Variants in HPSE2 observed in about 807,000 individuals in gnomAD.
The protein encoded by HPSE2 is heparanase 2 (inactive), also known as inactive heparanase-2.
HPSE2 carries 38 observed loss-of-function variants against 60.5 expected under a neutral mutation model. The ratio of observed to expected loss-of-function variants is 0.63; its 90% CI spans 0.48 to 0.82. The LOEUF (loss-of-function observed/expected upper bound fraction) is 0.82. HPSE2 is among the 40% of genes least tolerant of loss of function. The probability of loss-of-function intolerance (pLI) is 0.00; values close to 1 mark genes in which losing one functional copy is unlikely to be tolerated. For synonymous variants in HPSE2, 295 were observed against 293.2 expected (o/e 1.01, Z -0.06); for missense variants, 713 against 740.4 (o/e 0.96, Z 0.43).
intron 3 of HPSE2, among the ~76,000 whole-genome samples, chr10:99,120,624 C>T (rs1844913090): frequency 6.6e-6 from 1 of 152,130 alleles, no homozygotes; most frequent in Admixed American, 6.5e-5. Flanking sequence ...CAGGCATGTG[C>T]CACCACGCCC....
At chr10:99,067,426 G>A (rs1464242240) in intron 3 of HPSE2, among the ~76,000 whole-genome samples, 1 of 152,196 alleles carries the variant, frequency 6.6e-6, no homozygotes, top group Non-Finnish European at 1.5e-5. Context: ...CACCCCTGAA[G>A]CAAAATTCTG....
chr10:98,873,064 G>A (rs1346741819), intron 3 of HPSE2, among the ~76,000 whole-genome samples: 1 of 151,878 alleles, frequency 6.6e-6, no homozygotes, highest in Non-Finnish European at 1.5e-5. Flanking sequence ...CGGTTACAAG[G>A]GCCCCTATTT....
chr10:98,773,253 G>T (rs1463726690), intron 3 of HPSE2, among the ~76,000 whole-genome samples: 1 of 152,146 alleles, frequency 6.6e-6, no homozygotes, highest in African/African-American at 2.4e-5. Context: ...AATGAGACTA[G>T]CTCTAGGATC....
chr10:99,110,293 C>T (rs1027923155), intron 3 of HPSE2, among the ~76,000 whole-genome samples: 3 of 152,196 alleles, frequency 2.0e-5, no homozygotes, highest in African/African-American at 7.2e-5. Context: ...GCCGTAAATC[C>T]TCTCTTAAGA....
intron 5 of HPSE2, among the ~76,000 whole-genome samples, chr10:98,718,345 C>A (rs1275907809): frequency 6.6e-6 from 1 of 152,134 alleles, no homozygotes; most frequent in Non-Finnish European, 1.5e-5. Flanking sequence ...CTATCTCTGT[C>A]TTCATAGAGT....
At chr10:98,701,506 G>T (rs1289453663) in intron 5 of HPSE2, among the ~76,000 whole-genome samples, 1 of 105,154 alleles carries the variant, frequency 9.5e-6, no homozygotes, top group East Asian at 3.5e-4. Flanking sequence ...GGGGGGAGGG[G>T]GGAGGGATAG....
chr10:98,942,417 A>G (rs374666378), intron 3 of HPSE2, among the ~76,000 whole-genome samples: 10 of 149,638 alleles, frequency 6.7e-5, no homozygotes, highest in South Asian at 4.2e-4. Flanking sequence ...AAAAGTGGGC[A>G]AAGGACATGA....
chr10:99,185,608 A>G (rs1415598129), intron 2 of HPSE2, among the ~76,000 whole-genome samples: 1 of 151,892 alleles, frequency 6.6e-6, no homozygotes, highest in Non-Finnish European at 1.5e-5. Flanking sequence ...CCCCATCTCT[A>G]CTAAAAATAC....
intron 3 of HPSE2, among the ~76,000 whole-genome samples, chr10:98,752,917 C>T (rs761167765): frequency 9.9e-5 from 15 of 151,984 alleles, no homozygotes; most frequent in African/African-American, 1.9e-4. Flanking sequence ...GAGGACAGTA[C>T]GTGAAGTGAA....
intron 3 of HPSE2, among the ~76,000 whole-genome samples, chr10:98,859,439 G>A (rs1952399635): frequency 6.6e-6 from 1 of 152,180 alleles, no homozygotes; most frequent in South Asian, 2.1e-4. Flanking sequence ...AATTAGAAAA[G>A]TGAGTGCAGA....
At chr10:98,573,862 A>G (rs1412690869) in intron 9 of HPSE2, among the ~76,000 whole-genome samples, 3 of 152,184 alleles carry the variant, frequency 2.0e-5, no homozygotes, top group Non-Finnish European at 4.4e-5. Flanking sequence ...ATACTACTGT[A>G]TTTCTTTTTC....
intron 3 of HPSE2, among the ~76,000 whole-genome samples, chr10:98,795,015 AGAGAGAAG>A (rs1356215946): frequency 1.7e-4 from 8 of 46,028 alleles, no homozygotes; most frequent in African/African-American, 6.7e-4. Flanking sequence ...AAGGAGAGAG[AGAGAGAAG>A]GAAGGAAGGA....
Position 98,721,647 on chromosome 10 carries a change from T to C in HPSE2, c.956+10A>G. The C allele has an allele frequency of 1.2e-6, 2 of 1,612,294 alleles. No homozygotes were observed. The highest frequency in any genetic ancestry group is 2.2e-5 in the East Asian group (1 of 44,864). Reference sequence around the variant, plus strand: ...CAATGTCATAAGAAAAGCTAAATAATCTGACCTACCCATCTAGGAGGGCGA... The same window carrying C: ...CAATGTCATAAGAAAAGCTAAATAACCTGACCTACCCATCTAGGAGGGCGA... On this transcript the variant is annotated intron_variant, in intron 5 of 11. Coordinates refer to ENST00000370552, the MANE Select transcript of HPSE2 (RefSeq NM_021828.5).
intron 3 of HPSE2, among the ~76,000 whole-genome samples, chr10:98,995,139 G>T (rs970005119): frequency 1.3e-5 from 2 of 152,098 alleles, no homozygotes; most frequent in African/African-American, 4.8e-5. Flanking sequence ...TCTCTTCTCT[G>T]GTGAATCCTA....
intron 9 of HPSE2, among the ~76,000 whole-genome samples, chr10:98,594,189 G>T (rs1166059996): frequency 2.0e-5 from 3 of 151,942 alleles, no homozygotes; most frequent in African/African-American, 7.3e-5. Context: ...TGATTTTCAA[G>T]AATACATTTT....
chr10:99,257,666 C>A, the HPSE2 span, among the ~76,000 whole-genome samples: 2 of 152,246 alleles, frequency 1.3e-5, no homozygotes, highest in Non-Finnish European at 2.9e-5. Flanking sequence ...GTCCTGTGGT[C>A]CTGTGATCTT....
chr10:99,104,826 A>G (rs1844171000), intron 3 of HPSE2, among the ~76,000 whole-genome samples: 1 of 151,732 alleles, frequency 6.6e-6, no homozygotes, highest in Admixed American at 6.6e-5. Flanking sequence ...AAAACCAAAC[A>G]CCACATGTTC....
At chr10:99,051,042 T>A (rs906350439) in intron 3 of HPSE2, among the ~76,000 whole-genome samples, 2 of 151,860 alleles carry the variant, frequency 1.3e-5, no homozygotes, top group Non-Finnish European at 2.9e-5. Context: ...TAATATCCAA[T>A]AAAAAAGCAC....
chr10:99,285,767 A>T, the HPSE2 span, among the ~76,000 whole-genome samples: 1 of 152,272 alleles, frequency 6.6e-6, no homozygotes, highest in South Asian at 2.1e-4. Context: ...TCTACAAAAA[A>T]TACAAAAATT....
Sources: gnomAD v4.1 joint callset for allele counts (sites outside exome capture counted in the v4.1 genomes callset) on GRCh38, gnomAD v4.1.1 for gene constraint, MANE v1.5 for transcripts, NCBI Gene and HGNC (gene_info 2026-07-23, HGNC 2026-07-21) for gene names.